SERGEF: variants seen among roughly 807,000 people sequenced by gnomAD.
The protein encoded by SERGEF is secretion regulating guanine nucleotide exchange factor, also known as secretion-regulating guanine nucleotide exchange factor.
SERGEF carries 51 observed loss-of-function variants against 50.0 expected under a neutral mutation model. That is an observed-to-expected ratio of 1.02 (90% CI 0.81 to 1.29). The LOEUF (loss-of-function observed/expected upper bound fraction) is 1.29. Ranked by LOEUF, SERGEF falls within the 50% of genes most tolerant of loss-of-function variation. The pLI, the probability that SERGEF is intolerant of heterozygous loss-of-function variation, is 0.00. For missense variants in SERGEF, 521 were observed against 557.0 expected (o/e 0.94, Z 0.65); for synonymous variants, 205 against 212.4 (o/e 0.97, Z 0.30).
chr11:17,909,385 G>A lies in SERGEF; in HGVS notation c.1012-31141C>T, dbSNP rs138098325. On this transcript the variant is annotated intron_variant, in intron 9 of 10. Transcript: ENST00000265965. ...TAAATTGTTCCAGATTCCTTGTGAC[G>A]AGAAAGAACACATGTTGATAAAGGA... 1.2e-3 allele frequency among the ~76,000 whole-genome samples: 189 copies of A among 152,282 alleles called. 1 individual carries two copies. The highest frequency in any genetic ancestry group is 4.3e-3 in the African/African-American group (179 of 41,556).
intron 10 of SERGEF, chr11:17,854,722 G>A (rs1445617706): frequency 6.6e-6 from 1 of 152,092 alleles, no homozygotes; most frequent in Non-Finnish European, 1.5e-5. Flanking sequence ...AGTTGAACCT[G>A]GACTGACACA....
Position 17,884,345 on chromosome 11 carries a change from G to C in SERGEF, c.1012-6101C>G, listed in dbSNP as rs1851391227. ...GGGTGGGAGAAGCGTACCAGAAGCA[G>C]CTCCAGAATGGCAGCCCCAGCTGGC... On this transcript the variant is annotated intron_variant, in intron 9 of 10. Transcript: ENST00000265965. The surrounding 1 kb of genome is among the most constrained non-coding windows in gnomAD (Gnocchi z 4.6). 1.3e-5 allele frequency among the ~76,000 whole-genome samples: 2 copies of C among 152,208 alleles called. No homozygotes were observed. Among genetic ancestry groups the C allele is most frequent in the Non-Finnish European group, 2.9e-5 (2 of 68,038 alleles).
chr11:17,934,584 G>A (rs951047811), intron 9 of SERGEF, among the ~76,000 whole-genome samples: 4 of 152,198 alleles, frequency 2.6e-5, no homozygotes, highest in African/African-American at 9.6e-5. Context: ...GGCAATGACT[G>A]TGAGAACTTA....
intron 1 of SERGEF, among the ~76,000 whole-genome samples, chr11:18,012,018 T>C (rs1326633925): frequency 2.0e-5 from 3 of 152,098 alleles, no homozygotes; most frequent in Admixed American, 2.0e-4. Context: ...CTGGAAGTCC[T>C]TCACTCGTGT....
intron 8 of SERGEF, among the ~76,000 whole-genome samples, chr11:17,962,991 G>T (rs1026504608): frequency 4.6e-5 from 7 of 151,932 alleles, no homozygotes; most frequent in African/African-American, 1.7e-4. Flanking sequence ...AGACCAGCCT[G>T]ACCAACATGG....
chr11:17,913,649 C>T (rs1851995098), intron 9 of SERGEF, among the ~76,000 whole-genome samples: 1 of 152,192 alleles, frequency 6.6e-6, no homozygotes, highest in African/African-American at 2.4e-5. Context: ...ACTATCTACT[C>T]CTCAGTCATG....
intron 8 of SERGEF, among the ~76,000 whole-genome samples, chr11:17,979,716 A>C (rs1049189519): frequency 6.6e-6 from 1 of 152,090 alleles, no homozygotes; most frequent in African/African-American, 2.4e-5. Flanking sequence ...CTTCCTTTAC[A>C]GTGTAGACCC....
At chr11:17,932,236 T>C (rs1051582024) in intron 9 of SERGEF, among the ~76,000 whole-genome samples, 2 of 152,202 alleles carry the variant, frequency 1.3e-5, no homozygotes, top group African/African-American at 4.8e-5. Context: ...TTCAAAAACC[T>C]CTGCGGCCTA....
At chr11:17,830,246 C>T (rs1850269046) in intron 10 of SERGEF, among the ~76,000 whole-genome samples, 1 of 152,202 alleles carries the variant, frequency 6.6e-6, no homozygotes, top group Non-Finnish European at 1.5e-5. Context: ...ATATTAGGCA[C>T]TCAGTGAATA....
chr11:17,918,625 G>GAACACACAC, intron 9 of SERGEF: 1 of 298,840 alleles, frequency 3.3e-6, no homozygotes, highest in East Asian at 1.3e-4. Flanking sequence ...AGCAGGAACA[G>GAACACACAC]ACACACACAC....
At chr11:17,994,253 T>TGACGA (rs1565225650) in intron 6 of SERGEF, among the ~76,000 whole-genome samples, 1 of 152,056 alleles carries the variant, frequency 6.6e-6, no homozygotes, top group African/African-American at 2.4e-5. Context: ...GACGGGTGGA[T>TGACGA]GACGAGGTCA....
intron 10 of SERGEF, among the ~76,000 whole-genome samples, chr11:17,870,177 G>A (rs1427802517): frequency 1.3e-5 from 2 of 152,172 alleles, no homozygotes; most frequent in African/African-American, 4.8e-5. Flanking sequence ...ATGATTGTAA[G>A]TTTCCTGACG....
chr11:17,844,104 A>G (rs1850556717), intron 10 of SERGEF, among the ~76,000 whole-genome samples: 1 of 152,188 alleles, frequency 6.6e-6, no homozygotes. Context: ...CTTTCACTTT[A>G]TAGATATGAG....
chr11:17,864,932 T>C (rs980137154), intron 10 of SERGEF, among the ~76,000 whole-genome samples: 23 of 152,226 alleles, frequency 1.5e-4, no homozygotes, highest in African/African-American at 5.5e-4. Context: ...ATAAACAGTT[T>C]TGAGATAACT....
chr11:17,939,569 G>A (rs909299149), intron 9 of SERGEF: 1 of 152,246 alleles, frequency 6.6e-6, no homozygotes, highest in Non-Finnish European at 1.5e-5. Context: ...TCAGCACAGA[G>A]AAGCTGAGGT....
intron 10 of SERGEF, among the ~76,000 whole-genome samples, chr11:17,811,841 A>G (rs1056101202): frequency 1.2e-4 from 19 of 152,266 alleles, no homozygotes; most frequent in African/African-American, 3.9e-4. Context: ...ATGTTGTAAC[A>G]GAACAGGCTG....
At chr11:17,908,234 G>C (rs1382829704) in intron 9 of SERGEF, among the ~76,000 whole-genome samples, 3 of 152,124 alleles carry the variant, frequency 2.0e-5, no homozygotes, top group Non-Finnish European at 4.4e-5. Context: ...TCTGGTTCCA[G>C]ATGACCTCTC....
chr11:17,843,549 A>G (rs181213671), intron 10 of SERGEF, among the ~76,000 whole-genome samples: 40 of 152,374 alleles, frequency 2.6e-4, no homozygotes, highest in Non-Finnish European at 4.3e-4. Context: ...CTTAGATTCC[A>G]AAGTCTGTGG....
chr11:17,936,390 T>TA (rs747571642), intron 9 of SERGEF, among the ~76,000 whole-genome samples: 34 of 152,314 alleles, frequency 2.2e-4, no homozygotes, highest in Non-Finnish European at 4.3e-4. Flanking sequence ...CAAAGCCCCC[T>TA]AATGTGCTAA....
Sources: allele counts gnomAD v4.1 joint callset (sites outside exome capture counted in the v4.1 genomes callset), GRCh38; gene constraint gnomAD v4.1.1; non-coding constraint Gnocchi (gnomAD v3.1); transcripts MANE v1.5; gene names NCBI Gene and HGNC (gene_info 2026-07-23, HGNC 2026-07-21).